NEK11: variants seen among roughly 807,000 people sequenced by gnomAD.
NEK11 encodes NIMA related kinase 11, also known as serine/threonine-protein kinase Nek11.
A neutral mutation model predicts 80.7 loss-of-function variants in NEK11; 72 were observed. That is an observed-to-expected ratio of 0.89 (90% CI 0.74 to 1.08). The LOEUF (loss-of-function observed/expected upper bound fraction) is 1.08. Among genes scored for constraint, NEK11 ranks in the 50% least tolerant of loss-of-function variants. The pLI is 0.00. For synonymous variants in NEK11, 251 were observed against 260.7 expected, an observed-to-expected ratio of 0.96 and a Z score of 0.36; for missense variants, 764 against 763.6, an observed-to-expected ratio of 1.00 and a Z score of -0.01.
chr3:131,326,283 CAG>C (rs993405532), intron 17 of NEK11: 25 of 152,210 alleles, frequency 1.6e-4, no homozygotes, highest in African/African-American at 6.0e-4. Flanking sequence ...CGTGCTGTAA[CAG>C]AATTCAAATC....
chr3:131,052,455 G>A (rs1467379238), intron 3 of NEK11, among the ~76,000 whole-genome samples: 1 of 152,066 alleles, frequency 6.6e-6, no homozygotes, highest in Non-Finnish European at 1.5e-5. Context: ...CTCATTCCAG[G>A]GGTTTGAATT....
At chr3:131,083,029 T>A (rs1296026057) in intron 4 of NEK11, among the ~76,000 whole-genome samples, 2 of 152,192 alleles carry the variant, frequency 1.3e-5, no homozygotes, top group East Asian at 3.8e-4. Flanking sequence ...CAGACCAGTA[T>A]CATCAGCATC....
intron 3 of NEK11, among the ~76,000 whole-genome samples, chr3:131,034,391 T>A (rs183246623): frequency 6.6e-6 from 1 of 152,314 alleles, no homozygotes; most frequent in Admixed American, 6.5e-5. Context: ...TATGAAGTAT[T>A]TAATACAATT....
At chr3:131,077,231 G>T (rs762676089) in intron 3 of NEK11, among the ~76,000 whole-genome samples, 1 of 152,136 alleles carries the variant, frequency 6.6e-6, no homozygotes, top group Non-Finnish European at 1.5e-5. Context: ...TTTAGGAGGG[G>T]TGACAGGCTG....
intron 4 of NEK11, among the ~76,000 whole-genome samples, chr3:131,087,052 G>A (rs992626876): frequency 2.6e-5 from 4 of 151,928 alleles, no homozygotes; most frequent in East Asian, 1.9e-4. Context: ...GACTATCAGA[G>A]CTTTTCTCCT....
At chr3:131,292,391 C>G (rs2096553097) in intron 17 of NEK11, among the ~76,000 whole-genome samples, 1 of 152,142 alleles carries the variant, frequency 6.6e-6, no homozygotes, top group African/African-American at 2.4e-5. Flanking sequence ...GTTGACTATT[C>G]TAAACCTTTT....
chr3:131,197,402 C>T (rs1399043259), intron 14 of NEK11, among the ~76,000 whole-genome samples: 2 of 152,120 alleles, frequency 1.3e-5, no homozygotes, highest in Non-Finnish European at 2.9e-5. Context: ...TGGACTGCGT[C>T]TGGGGCTCCA....
intron 16 of NEK11, among the ~76,000 whole-genome samples, chr3:131,248,743 G>A (rs1395392784): frequency 1.3e-5 from 2 of 151,978 alleles, no homozygotes; most frequent in East Asian, 3.9e-4. Flanking sequence ...GAATTCCTCT[G>A]TTCTTTCTTG....
rs181141549 is a variant in NEK11, at chr3:131,037,810, A to C, written c.170+7932A>C. Reference sequence around the variant, plus strand: ...AATTTTGAGTCATTTTAAACAAAACATCAATAGATTTAATGAGTCCAACTT... The same window carrying C: ...AATTTTGAGTCATTTTAAACAAAACCTCAATAGATTTAATGAGTCCAACTT... On this transcript the variant is annotated intron_variant, in intron 3 of 17. Transcript: ENST00000383366. Among the ~76,000 whole-genome samples, 73 of 152,322 alleles carry C rather than the reference A, an allele frequency of 4.8e-4. 1 individual carries two copies. Among genetic ancestry groups the C allele is most frequent in the African/African-American group, 1.5e-3 (63 of 41,572 alleles).
At chr3:131,160,483 T>G (rs2091387269) in intron 10 of NEK11, among the ~76,000 whole-genome samples, 1 of 152,094 alleles carries the variant, frequency 6.6e-6, no homozygotes, top group Admixed American at 6.5e-5. Context: ...CACACTGAAG[T>G]ACACAGACTC....
chr3:131,115,906 CTT>C (rs1203060384), intron 5 of NEK11, among the ~76,000 whole-genome samples: 2 of 30,068 alleles, frequency 6.7e-5, no homozygotes, highest in South Asian at 1.3e-3. Context: ...GTAGTGTTTT[CTT>C]TCTTTCTTTC....
chr3:131,327,515 C>G (rs2096987692), intron 17 of NEK11: 1 of 152,178 alleles, frequency 6.6e-6, no homozygotes, highest in South Asian at 2.1e-4. Context: ...ATCCTGAGTG[C>G]AAACTTGTTC....
At chr3:131,046,417 G>A (rs1278596812) in intron 3 of NEK11, among the ~76,000 whole-genome samples, 1 of 152,046 alleles carries the variant, frequency 6.6e-6, no homozygotes, top group Admixed American at 6.6e-5. Flanking sequence ...TTTCTTTTAG[G>A]AGGCTAAAGA....
intron 15 of NEK11, 55 bp from the exon 16 acceptor site, chr3:131,243,381 T>C: frequency 6.6e-7 from 1 of 1,505,956 alleles, no homozygotes. Context: ...TTCCATGTTA[T>C]TAAGTATCCT....
intron 14 of NEK11, among the ~76,000 whole-genome samples, chr3:131,225,803 A>G (rs1387603274): frequency 6.6e-6 from 1 of 152,192 alleles, no homozygotes; most frequent in African/African-American, 2.4e-5. Context: ...AACAGGATGA[A>G]AAACACCAGA....
At chr3:131,326,242 T>G (rs2096964557) in intron 17 of NEK11, 1 of 152,212 alleles carries the variant, frequency 6.6e-6, no homozygotes, top group Non-Finnish European at 1.5e-5. Context: ...CTCCTTGCTA[T>G]TCATCCATTT....
chr3:131,349,505 C>G, intron 17 of NEK11, 52 bp from the exon 18 acceptor site: 1 of 1,413,046 alleles, frequency 7.1e-7, no homozygotes. Context: ...CATTTTCCTG[C>G]AGGTGATCTT....
intron 14 of NEK11, among the ~76,000 whole-genome samples, chr3:131,212,562 C>T (rs1476585603): frequency 4.6e-5 from 7 of 152,308 alleles, no homozygotes; most frequent in South Asian, 4.1e-4. Flanking sequence ...CTGCATCACT[C>T]GCGCTGGGAG....
At chr3:131,154,958 A>G (rs1341748558) in intron 9 of NEK11, 78 bp from the exon 10 acceptor site, 3 of 875,772 alleles carry the variant, frequency 3.4e-6, no homozygotes, top group Non-Finnish European at 5.6e-6. Context: ...CCAAATCTGA[A>G]AAGATTCTTG....
Sources: allele counts gnomAD v4.1 joint callset (sites outside exome capture counted in the v4.1 genomes callset), GRCh38; gene constraint gnomAD v4.1.1; transcripts MANE v1.5; gene names NCBI Gene and HGNC (gene_info 2026-07-23, HGNC 2026-07-21).